The following U2SURP variants were observed in gnomAD, a reference collection of about 807,000 sequenced individuals.
The protein encoded by U2SURP is U2 snRNP-associated SURP motif-containing protein.
U2SURP carries 9 observed loss-of-function variants against 144.9 expected under a neutral mutation model. That is an observed-to-expected ratio of 0.06 (90% CI 0.04 to 0.11). The LOEUF (loss-of-function observed/expected upper bound fraction) is 0.11. Ranked by LOEUF, U2SURP falls within the 10% of genes least tolerant of loss-of-function variation. The pLI is 1.00. For synonymous variants in U2SURP, 408 were observed against 396.8 expected (o/e 1.03, Z -0.33); for missense variants, 724 against 1,226.7 (o/e 0.59, Z 6.12).
At chr3:143,054,852 C>A in intron 26 of U2SURP, 91 bp from the exon 27 acceptor site, 2 of 1,292,202 alleles carry the variant, frequency 1.5e-6, no homozygotes, top group Non-Finnish European at 2.1e-6. Flanking sequence ...AAAGAGTAAG[C>A]TGGTAGCAAT....
intron 8 of U2SURP, 39 bp from the exon 9 acceptor site, chr3:143,021,311 T>C: frequency 6.4e-7 from 1 of 1,560,530 alleles, no homozygotes; most frequent in African/African-American, 1.4e-5. Flanking sequence ...ACTACTGTAT[T>C]ATAAAAACTA....
rs568239419 is a variant in U2SURP, at chr3:143,023,167, G to T, written c.1230+103G>T. ...TTATAGAAAATGTGTGTGTAATTCT[G>T]TTTGGCAACTTTTAAAGAAATAAGT... On this transcript the variant is annotated intron_variant, in intron 12 of 27. Coordinates refer to ENST00000473835, the MANE Select transcript of U2SURP (RefSeq NM_001080415.2). 6 of 1,069,910 alleles carry T rather than the reference G, an allele frequency of 5.6e-6. No homozygotes were observed. In the African/African-American group the frequency reaches 8.1e-5, roughly 14 times the overall value. The allele number at this position is 1,069,910 out of a possible 1,614,324, so 66.3% of individuals were successfully genotyped here.
chr3:143,012,241 C>T lies in U2SURP; in HGVS notation c.110C>T (p.Ser37Leu). The T allele has an allele frequency of 6.2e-7, 1 of 1,612,952 alleles. No homozygotes were observed. Among genetic ancestry groups the T allele is most frequent in the Non-Finnish European group, 8.5e-7 (1 of 1,179,412 alleles). ...CTGAAGATGGATGCATCTGGACCCT[C>T]AGATAGTGATATGCCAAGTCGGACA... ...SDAHMDASGPSDSDMPSRTRP... is the reference protein window; with the variant it reads ...SDAHMDASGPLDSDMPSRTRP... Residue 37 changes from serine to leucine, a missense_variant, in exon 3 of 28, where the codon TCA (serine) becomes TTA (leucine). This residue lies in a region of U2SURP where 127 missense variants were observed against 98.2 expected (regional missense o/e 1.29). Coordinates refer to ENST00000473835, the MANE Select transcript of U2SURP (RefSeq NM_001080415.2).
chr3:143,021,346 T>A lies in U2SURP; in HGVS notation c.734-4T>A. 6.3e-7 allele frequency: 1 copy of A among 1,592,162 alleles called. No individual in the cohort carries two copies. The highest frequency in any genetic ancestry group is 8.6e-7 in the Non-Finnish European group (1 of 1,167,834). On this transcript the variant is annotated splice_polypyrimidine_tract_variant and splice_region_variant and intron_variant, in intron 8 of 27. Coordinates refer to ENST00000473835, the MANE Select transcript of U2SURP (RefSeq NM_001080415.2). ...AATAATTGTCTTCTTTTCTCCCCTT[T>A]AAGTGGACGCGCCTTCAAGAAGAAA...
intron 1 of U2SURP, among the ~76,000 whole-genome samples, chr3:143,006,226 TTG>T (rs2108266381): frequency 6.6e-6 from 1 of 152,372 alleles, no homozygotes; most frequent in Non-Finnish European, 1.5e-5. Context: ...TATATAGTGC[TTG>T]TATTAATGAT....
intron 24 of U2SURP, among the ~76,000 whole-genome samples, chr3:143,045,389 AGAG>A (rs1481970782): frequency 1.5e-5 from 2 of 133,440 alleles, no homozygotes; most frequent in African/African-American, 5.5e-5. Flanking sequence ...AAAAAAAAAA[AGAG>A]CACTCCCTTT....
At chr3:143,054,193 A>T (rs1469123659) in intron 26 of U2SURP, among the ~76,000 whole-genome samples, 6 of 152,186 alleles carry the variant, frequency 3.9e-5, no homozygotes, top group African/African-American at 1.4e-4. Flanking sequence ...TCTTGAAAGG[A>T]GGTTGTATAC....
At chr3:143,011,016 T>TA (rs1936096699) in intron 2 of U2SURP, among the ~76,000 whole-genome samples, 157 bp downstream of exon 2, 1 of 151,926 alleles carries the variant, frequency 6.6e-6, no homozygotes, top group Non-Finnish European at 1.5e-5. Flanking sequence ...TTTTTTTTTT[T>TA]ATGTTCTGCT....
At chr3:143,034,202 G>A (rs1274672520) in intron 18 of U2SURP, among the ~76,000 whole-genome samples, 3 of 152,082 alleles carry the variant, frequency 2.0e-5, no homozygotes, top group African/African-American at 7.2e-5. Context: ...TCAGAAGTTC[G>A]AGACCACCCT....
At chr3:143,006,774 A>G (rs991844280) in intron 1 of U2SURP, among the ~76,000 whole-genome samples, 8 of 152,214 alleles carry the variant, frequency 5.3e-5, no homozygotes, top group African/African-American at 2.4e-5. Flanking sequence ...TTTGAGGAGC[A>G]TGCTGTCTAG....
In U2SURP at chr3:143,034,933, C is replaced by G. The variant is rs1933726984; in HGVS notation, c.1899C>G (p.Thr633=). Residue 633 remains threonine, a synonymous_variant, in exon 19 of 28, where the codon ACC becomes ACG. Coordinates refer to ENST00000473835, the MANE Select transcript of U2SURP (RefSeq NM_001080415.2). ...LCQIFSDLNA[T]YRTIQGHLQS... ...AGATATTTTCAGACCTCAATGCCAC[C>G]TATCGTACAATTCAAGGCCATTTAC... is the stretch of plus-strand genomic sequence containing the variant. 4 of 1,594,306 alleles carry G rather than the reference C, an allele frequency of 2.5e-6. No individual in the cohort carries two copies. In the East Asian group the frequency reaches 9.1e-5, roughly 36 times the overall value.
chr3:143,044,366 G>A lies in U2SURP; in HGVS notation c.2544+1090G>A, dbSNP rs142651433. ...TGCAATGGTGTGACCATAGCTCACTGCAACATCAAACCACCAGGCTCAAGA... is the reference window on the plus strand; with the variant it reads ...TGCAATGGTGTGACCATAGCTCACTACAACATCAAACCACCAGGCTCAAGA... On this transcript the variant is annotated intron_variant, in intron 24 of 27. Coordinates refer to ENST00000473835, the MANE Select transcript of U2SURP (RefSeq NM_001080415.2). Among the ~76,000 whole-genome samples the A allele has an allele frequency of 3.9e-3, 519 of 131,488 alleles. 9 individuals carry two copies. Among genetic ancestry groups the A allele is most frequent in the Admixed American group, 0.034 (375 of 11,054 alleles). The allele number at this position is 131,488 out of a possible 152,430, so 86.3% of individuals were successfully genotyped here. A position where few individuals can be genotyped will look rare whatever the true frequency, so the allele number is the denominator to read the frequency against.
At position 143,047,167 on chromosome 3, in the gene U2SURP, C is replaced by T. The variant is rs1338143180; in HGVS notation, c.2545-3772C>T. Among the ~76,000 whole-genome samples the T allele has an allele frequency of 2.2e-3, 205 of 91,304 alleles. 9 individuals carry two copies. The highest frequency in any genetic ancestry group is 3.2e-3 in the Admixed American group (34 of 10,752). 59.9% of individuals were successfully genotyped at this position (91,304 alleles called of 152,430 possible). A position where few individuals can be genotyped will look rare whatever the true frequency, so the allele number is the denominator to read the frequency against. Reference sequence around the variant, plus strand: ...CTCCCGGACGGGGCGGCTGGCCAGGCGGGGGGCTGATCCCCCCACCTCCCT... The same window carrying T: ...CTCCCGGACGGGGCGGCTGGCCAGGTGGGGGGCTGATCCCCCCACCTCCCT... On this transcript the variant is annotated intron_variant, in intron 24 of 27. Coordinates refer to ENST00000473835, the MANE Select transcript of U2SURP (RefSeq NM_001080415.2).
intron 1 of U2SURP, 143 bp downstream of exon 1, chr3:143,001,816 G>T: frequency 9.1e-7 from 1 of 1,099,880 alleles, no homozygotes; most frequent in Non-Finnish European, 1.3e-6. Flanking sequence ...CCGCACCGTT[G>T]TGCGCAGGTT....
chr3:143,002,788 T>C (rs886454229), intron 1 of U2SURP, among the ~76,000 whole-genome samples: 11 of 152,250 alleles, frequency 7.2e-5, no homozygotes, highest in African/African-American at 2.7e-4. Flanking sequence ...TACACCAAAA[T>C]AATTAATTCA....
At position 143,016,276 on chromosome 3, in the gene U2SURP, C is replaced by T. The variant is rs938370453; in HGVS notation, c.341C>T (p.Ala114Val). 1 of 1,613,002 alleles carries T rather than the reference C, an allele frequency of 6.2e-7. No individual in the cohort carries two copies. Among genetic ancestry groups the T allele is most frequent in the Non-Finnish European group, 8.5e-7 (1 of 1,179,278 alleles). Residue 114 changes from alanine (A) to valine (V), a missense_variant, in exon 5 of 28, where the codon GCT (alanine) becomes GTT (valine). Physicochemically the swap from Ala to Val is moderately conservative, Grantham distance 64. This residue lies in a region of U2SURP where 115 missense variants were observed against 258.1 expected (regional missense o/e 0.45). Coordinates refer to ENST00000473835, the MANE Select transcript of U2SURP (RefSeq NM_001080415.2). ...LKKKEDEKAAAEIYEEFLAAF... is the reference protein window; with the variant it reads ...LKKKEDEKAAVEIYEEFLAAF... ...ATTTAGGAGGATGAAAAGGCAGCTG[C>T]TGAGATTTATGAGGAGTTTCTTGCT...
intron 27 of U2SURP, 86 bp downstream of exon 27, chr3:143,055,205 CAT>C (rs1560210225): frequency 1.8e-6 from 2 of 1,091,530 alleles, no homozygotes; most frequent in African/African-American, 3.4e-5. Context: ...GGTTGGCATA[CAT>C]TTTTTTTTTT....
intron 20 of U2SURP, among the ~76,000 whole-genome samples, chr3:143,036,317 T>C (rs1933805589): frequency 6.6e-6 from 1 of 152,130 alleles, no homozygotes; most frequent in Non-Finnish European, 1.5e-5. Flanking sequence ...TGAAAATTGG[T>C]GAGTGTTTTT....
chr3:143,034,163 G>A (rs1933673201), intron 18 of U2SURP, among the ~76,000 whole-genome samples: 1 of 152,146 alleles, frequency 6.6e-6, no homozygotes, highest in Non-Finnish European at 1.5e-5. Flanking sequence ...CAGCACTTTG[G>A]GAGGCCAAGA....
Sources: gnomAD v4.1 joint callset for allele counts (sites outside exome capture counted in the v4.1 genomes callset) on GRCh38, gnomAD v4.1.1 for gene constraint, gnomAD v4.1.1 regional missense constraint, MANE v1.5 for transcripts, NCBI Gene and HGNC (gene_info 2026-07-23, HGNC 2026-07-21) for gene names.